OSR1: variants seen among roughly 807,000 people sequenced by gnomAD.
The protein encoded by OSR1 is odd-skipped related transcription factor 1.
In OSR1, 3 loss-of-function variants were observed where a neutral mutation model predicts 15.7. The ratio of observed to expected loss-of-function variants is 0.19; its 90% CI spans 0.09 to 0.50. OSR1 has a LOEUF of 0.50. OSR1 is among the 20% of genes least tolerant of loss of function. OSR1 has a pLI of 0.97. For synonymous variants in OSR1, 166 were observed against 152.7 expected, an observed-to-expected ratio of 1.09 and a Z score of -0.64; for missense variants, 271 against 351.1, an observed-to-expected ratio of 0.77 and a Z score of 1.82.
rs1176954593 is a variant in OSR1 at position 19,353,681 on chromosome 2, T to C, written c.125A>G (p.Tyr42Cys). 3 of 1,614,192 alleles carry C rather than the reference T, an allele frequency of 1.9e-6. No individual in the cohort carries two copies. Among genetic ancestry groups the C allele is most frequent in the South Asian group, 2.2e-5 (2 of 91,080 alleles). ...TVPSDHLPNL[Y>C]GFSALHAVHL... ...CACAGCGTGCAACGCGCTGAAACCA[T>C]ACAGGTTGGGCAGATGGTCCGAAGG... Residue 42 changes from tyrosine to cysteine, a missense_variant, in exon 2 of 3, where the codon TAT becomes TGT. Coordinates refer to ENST00000272223, the MANE Select transcript of OSR1 (RefSeq NM_145260.3).
intron 1 of OSR1, chr2:19,356,256 G>C (rs977164765): frequency 2.6e-5 from 4 of 152,402 alleles, no homozygotes; most frequent in Non-Finnish European, 5.9e-5. Context: ...GGGGGTGCCG[G>C]GAAGGGGGAG....
chr2:19,348,071 A>AGG (rs1454291784), downstream of OSR1, among the ~76,000 whole-genome samples: 2 of 152,086 alleles, frequency 1.3e-5, no homozygotes, highest in Admixed American at 6.5e-5. Flanking sequence ...GCGCAGTGGG[A>AGG]GAGGAGGGCG....
In OSR1 at chr2:19,353,211, C is replaced by G. The variant is rs1236849681; in HGVS notation, c.595G>C (p.Asp199His). 6.2e-7 allele frequency: 1 copy of G among 1,614,102 alleles called. No homozygotes were observed. Among genetic ancestry groups the G allele is most frequent in the Non-Finnish European group, 8.5e-7 (1 of 1,180,054 alleles). Residue 199 changes from aspartate to histidine, a missense_variant, in exon 2 of 3, where the codon GAC (aspartate) becomes CAC (histidine). Coordinates refer to ENST00000272223, the MANE Select transcript of OSR1 (RefSeq NM_145260.3). The stretch of plus-strand genomic sequence containing the variant: ...ATGTCACAGGTGTAGGGCCGCTCGT[C>G]GGTGTGCGTCCGCTCATGGATAAGT... Reference protein sequence around the residue: ...NLLIHERTHTDERPYTCDICH... With the variant: ...NLLIHERTHTHERPYTCDICH...
rs1180792915 is a variant in OSR1, at chr2:19,352,042, C to G, written c.*233G>C. On this transcript the variant is annotated 3_prime_UTR_variant, in exon 3 of 3. Coordinates refer to ENST00000272223, the MANE Select transcript of OSR1 (RefSeq NM_145260.3). ...AGTTTCCCTTCCGCCACGTGAGTACCGCCTTTTGGCCAAGAGTTTAGCCGC... is the reference window on the plus strand; with the variant it reads ...AGTTTCCCTTCCGCCACGTGAGTACGGCCTTTTGGCCAAGAGTTTAGCCGC... 4.9e-6 allele frequency: 2 copies of G among 406,332 alleles called. No individual in the cohort carries two copies. Among genetic ancestry groups the G allele is most frequent in the Admixed American group, 8.5e-5 (2 of 23,572 alleles). 25.2% of individuals were successfully genotyped at this position (406,332 alleles called of 1,614,324 possible).
chr2:19,350,276 C>A (rs1187152409), downstream of OSR1, among the ~76,000 whole-genome samples: 1 of 152,166 alleles, frequency 6.6e-6, no homozygotes, highest in Non-Finnish European at 1.5e-5. Flanking sequence ...CCCTCCAGGG[C>A]TGGCCAGCAG....
Position 19,353,810 on chromosome 2 carries a change from G to A in OSR1, c.-5C>T. 6.2e-7 allele frequency: 1 copy of A among 1,605,776 alleles called. No homozygotes were observed. Among genetic ancestry groups the A allele is most frequent in the Non-Finnish European group, 8.5e-7 (1 of 1,175,000 alleles). ...CGGCAAGGTTTTGCTGCCCATTTCGGTAGTTGCAGTGGCTTCTCAATCCGG... is the reference window on the plus strand; with the variant it reads ...CGGCAAGGTTTTGCTGCCCATTTCGATAGTTGCAGTGGCTTCTCAATCCGG... On this transcript the variant is annotated 5_prime_UTR_variant, in exon 2 of 3. Coordinates refer to ENST00000272223, the MANE Select transcript of OSR1 (RefSeq NM_145260.3).
downstream of OSR1, among the ~76,000 whole-genome samples, chr2:19,349,111 G>A (rs995564649): frequency 1.3e-5 from 2 of 152,212 alleles, no homozygotes; most frequent in Admixed American, 6.5e-5. Flanking sequence ...TGCATTGGGG[G>A]AAAAATTGGG....
chr2:19,353,652 G>A lies in OSR1; in HGVS notation c.154C>T (p.Leu52=), dbSNP rs1369403119. 2 of 1,614,252 alleles carry A rather than the reference G, an allele frequency of 1.2e-6. No individual in the cohort carries two copies. Among genetic ancestry groups the A allele is most frequent in the Non-Finnish European group, 1.7e-6 (2 of 1,180,044 alleles). ...YGFSALHAVH[L]HQWTLGYPAM... ...GGGTAGCCCAGCGTCCACTGATGCA[G>A]GTGCACAGCGTGCAACGCGCTGAAA... Residue 52 remains leucine, a synonymous_variant, in exon 2 of 3, where the codon CTG becomes TTG. Coordinates refer to ENST00000272223, the MANE Select transcript of OSR1 (RefSeq NM_145260.3).
the OSR1 span, among the ~76,000 whole-genome samples, chr2:19,346,187 T>C: frequency 6.6e-6 from 1 of 152,204 alleles, no homozygotes; most frequent in Non-Finnish European, 1.5e-5. Flanking sequence ...GCTTTATACA[T>C]CCCCAGAGAC....
chr2:19,346,846 T>A (rs1203372549), downstream of OSR1: 2 of 152,238 alleles, frequency 1.3e-5, no homozygotes, highest in Non-Finnish European at 2.9e-5. Flanking sequence ...CTTCCCTATC[T>A]TTGCAGTCAC....
Position 19,352,042 on chromosome 2 carries a change from C to T in OSR1, c.*233G>A, listed in dbSNP as rs1180792915. On this transcript the variant is annotated 3_prime_UTR_variant, in exon 3 of 3. Transcript: ENST00000272223. ...AGTTTCCCTTCCGCCACGTGAGTACCGCCTTTTGGCCAAGAGTTTAGCCGC... is the reference window on the plus strand; with the variant it reads ...AGTTTCCCTTCCGCCACGTGAGTACTGCCTTTTGGCCAAGAGTTTAGCCGC... 3 of 406,332 alleles carry T rather than the reference C, an allele frequency of 7.4e-6. No individual in the cohort carries two copies. Among genetic ancestry groups the T allele is most frequent in the Non-Finnish European group, 1.3e-5 (3 of 229,838 alleles). 25.2% of individuals were successfully genotyped at this position (406,332 alleles called of 1,614,324 possible).
chr2:19,347,396 G>A (rs568924333), downstream of OSR1, among the ~76,000 whole-genome samples: 1 of 152,304 alleles, frequency 6.6e-6, no homozygotes, highest in South Asian at 2.1e-4. Flanking sequence ...AGAAAACTGA[G>A]GCTAGTGAAG....
At chr2:19,354,004 G>C (rs1664897912) in intron 1 of OSR1, 167 bp from the exon 2 acceptor site, 1 of 600,522 alleles carries the variant, frequency 1.7e-6, no homozygotes, top group African/African-American at 1.8e-5. Flanking sequence ...CAAAGAGGGT[G>C]GGAATGTAAG....
In OSR1 at chr2:19,353,628, G is replaced by C; in HGVS notation, c.178C>G (p.Pro60Ala). The change falls in exon 2 of 3, where the codon CCG becomes GCG. Residue 60 changes from proline (P) to alanine (A), a missense_variant. Physicochemically the swap from Pro to Ala is conservative, Grantham distance 27. Around this residue, in one of 4 missense-constraint regions of OSR1, gnomAD observed 210 missense variants for 218.4 expected, o/e 0.96. Coordinates refer to ENST00000272223, the MANE Select transcript of OSR1 (RefSeq NM_145260.3). ...VHLHQWTLGY[P>A]AMHLPRSSFS... Reference sequence around the variant, plus strand: ...GAAGAGCGCGGCAAGTGCATGGCCGGGTAGCCCAGCGTCCACTGATGCAGG... The same window carrying C: ...GAAGAGCGCGGCAAGTGCATGGCCGCGTAGCCCAGCGTCCACTGATGCAGG... The C allele has an allele frequency of 6.2e-7, 1 of 1,614,252 alleles. No homozygotes were observed. Among genetic ancestry groups the C allele is most frequent in the South Asian group, 1.1e-5 (1 of 91,086 alleles).
chr2:19,354,387 TCTCACACA>T (rs1558360243), intron 1 of OSR1: 1 of 131,348 alleles, frequency 7.6e-6, no homozygotes, highest in Non-Finnish European at 1.6e-5. Flanking sequence ...AACCCCTGAA[TCTCACACA>T]CACACACACA....
downstream of OSR1, among the ~76,000 whole-genome samples, chr2:19,348,041 T>G (rs1664765118): frequency 6.6e-6 from 1 of 152,234 alleles, no homozygotes; most frequent in African/African-American, 2.4e-5. Flanking sequence ...GAGTTCCTTT[T>G]GCGCCTGCGC....
chr2:19,347,128 T>C (rs1190416329), downstream of OSR1, among the ~76,000 whole-genome samples: 3 of 152,206 alleles, frequency 2.0e-5, no homozygotes, highest in African/African-American at 7.2e-5. Context: ...ATGCCTCTGT[T>C]ATAATAAAGA....
rs1665004741 is a variant in OSR1 at position 19,358,544 on chromosome 2, C to T, written c.-236G>A. 1 of 152,228 alleles carries T rather than the reference C, an allele frequency of 6.6e-6. No individual in the cohort carries two copies. The highest frequency in any genetic ancestry group is 2.4e-5 in the African/African-American group (1 of 41,462). 9.4% of individuals were successfully genotyped at this position (152,228 alleles called of 1,614,324 possible). A position where few individuals can be genotyped will look rare whatever the true frequency, so the allele number is the denominator to read the frequency against. Reference sequence around the variant, plus strand: ...ATCCTGCACGCCGGGGACGGTGAGCCTCGCTCGCGGCTCCCTCGCTGGGTC... The same window carrying T: ...ATCCTGCACGCCGGGGACGGTGAGCTTCGCTCGCGGCTCCCTCGCTGGGTC... On this transcript the variant is annotated 5_prime_UTR_variant, in exon 1 of 3. Transcript: ENST00000272223.
chr2:19,350,149 C>T (rs1463787243), downstream of OSR1, among the ~76,000 whole-genome samples: 3 of 152,224 alleles, frequency 2.0e-5, no homozygotes, highest in Admixed American at 1.3e-4. Flanking sequence ...CAGCGCCCTG[C>T]CCCTCATCCA....
Sources: gnomAD v4.1 joint callset for allele counts (sites outside exome capture counted in the v4.1 genomes callset) on GRCh38, gnomAD v4.1.1 for gene constraint, gnomAD v4.1.1 regional missense constraint, MANE v1.5 for transcripts, NCBI Gene and HGNC (gene_info 2026-07-23, HGNC 2026-07-21) for gene names.